Variants in NME4 observed in about 807,000 individuals in gnomAD.
NME4 encodes the protein NME/NM23 nucleoside diphosphate kinase 4, also known as nucleoside diphosphate kinase D, mitochondrial.
Under a neutral mutation model 16.4 loss-of-function variants are expected in NME4, and 21 were observed. The ratio of observed to expected loss-of-function variants is 1.28; its 90% CI spans 0.91 to 1.84. The LOEUF is 1.84. Ranked by LOEUF, NME4 falls within the 40% of genes most tolerant of loss-of-function variation. The pLI is 0.00. For synonymous variants in NME4, 132 were observed against 107.5 expected, an observed-to-expected ratio of 1.23 and a Z score of -1.41; for missense variants, 316 against 261.3, an observed-to-expected ratio of 1.21 and a Z score of -1.44.
At chr16:399,166 G>T in intron 2 of NME4, 43 bp downstream of exon 2, 1 of 1,602,182 alleles carries the variant, frequency 6.2e-7, no homozygotes, top group South Asian at 1.1e-5. Flanking sequence ...TGGGGATGGG[G>T]TTGGGGGATC....
upstream of NME4, chr16:397,154 C>A: frequency 1.7e-6 from 1 of 599,936 alleles, no homozygotes; most frequent in Non-Finnish European, 2.1e-6. Flanking sequence ...CGGGCGGGGG[C>A]GGGTCTCGGG....
In NME4 at chr16:398,999, C is replaced by G; in HGVS notation, c.101C>G (p.Ser34Cys). ...LLVRHGSGGP[S>C]WTRERTLVAV... ...CTCTTGCCTTTTGAAGGAGGGCCCTCCTGGACCCGGGAGCGGACCCTGGTG... is the reference window on the plus strand; with the variant it reads ...CTCTTGCCTTTTGAAGGAGGGCCCTGCTGGACCCGGGAGCGGACCCTGGTG... Residue 34 changes from serine to cysteine, a missense_variant, in exon 2 of 5, where the codon TCC becomes TGC. Transcript: ENST00000219479. 6.2e-7 allele frequency: 1 copy of G among 1,610,270 alleles called. No individual in the cohort carries two copies. Among genetic ancestry groups the G allele is most frequent in the Middle Eastern group, 1.7e-4 (1 of 6,058 alleles).
Position 400,706 on chromosome 16 carries a change from A to T in NME4, c.*364A>T, listed in dbSNP as rs776972981. 2.4e-5 allele frequency: 5 copies of T among 211,438 alleles called. No homozygotes were observed. Among genetic ancestry groups the T allele is most frequent in the Non-Finnish European group, 4.7e-5 (5 of 106,156 alleles). The allele number at this position is 211,438 out of a possible 1,614,324, so 13.1% of individuals were successfully genotyped here. On this transcript the variant is annotated 3_prime_UTR_variant, in exon 5 of 5. Coordinates refer to ENST00000219479, the MANE Select transcript of NME4 (RefSeq NM_005009.3). ...GCTCTGAGGTAGAAATGACGCCTTTATGCAAGTTGTAAGGAGTTGAACAGT... is the reference window on the plus strand; with the variant it reads ...GCTCTGAGGTAGAAATGACGCCTTTTTGCAAGTTGTAAGGAGTTGAACAGT...
At chr16:398,919 G>C in intron 1 of NME4, 71 bp from the exon 2 acceptor site, 1 of 1,590,520 alleles carries the variant, frequency 6.3e-7, no homozygotes, top group South Asian at 1.1e-5. Flanking sequence ...CTGGGCTCTG[G>C]CTGGGAAACC....
intron 4 of NME4, 177 bp from the exon 5 acceptor site, chr16:400,042 G>A: frequency 1.0e-6 from 1 of 987,740 alleles, no homozygotes. Flanking sequence ...CCACGAGGCT[G>A]TAAGAGGCCG....
In NME4 at chr16:397,327, C is replaced by A; in HGVS notation, c.91+14C>A. On this transcript the variant is annotated intron_variant, in intron 1 of 4. Transcript: ENST00000219479. Reference sequence around the variant, plus strand: ...GCCACGGCTCGGGTGAGTGGGGCCGCGCGCCCCGGCGGGGACGCGGAGGGG... The same window carrying A: ...GCCACGGCTCGGGTGAGTGGGGCCGAGCGCCCCGGCGGGGACGCGGAGGGG... 1 of 1,012,316 alleles carries A rather than the reference C, an allele frequency of 9.9e-7. No homozygotes were observed. The highest frequency in any genetic ancestry group is 1.2e-6 in the Non-Finnish European group (1 of 838,128). 62.7% of individuals were successfully genotyped at this position (1,012,316 alleles called of 1,614,324 possible).
At chr16:398,951 G>T in intron 1 of NME4, 39 bp from the exon 2 acceptor site, 1 of 1,606,410 alleles carries the variant, frequency 6.2e-7, no homozygotes, top group Non-Finnish European at 8.5e-7. Flanking sequence ...GACGTGAAAG[G>T]GTGAGGTGGC....
intron 2 of NME4, 54 bp downstream of exon 2, chr16:399,177 C>G: frequency 1.2e-6 from 2 of 1,600,316 alleles, no homozygotes; most frequent in East Asian, 2.2e-5. Context: ...TTGGGGGATC[C>G]TTCTCGGCCT....
At position 400,467 on chromosome 16, in the gene NME4, A is replaced by G; in HGVS notation, c.*125A>G. On this transcript the variant is annotated 3_prime_UTR_variant, in exon 5 of 5. Transcript: ENST00000219479. ...TTACTTCCCTGTTCACCTCTGCCCC[A>G]CCCCAGCCCAGAGGAGTTTGAGCCA... is the stretch of plus-strand genomic sequence containing the variant. 1 of 1,259,040 alleles carries G rather than the reference A, an allele frequency of 7.9e-7. No homozygotes were observed. The highest frequency in any genetic ancestry group is 2.5e-5 in the East Asian group (1 of 39,596). 78.0% of individuals were successfully genotyped at this position (1,259,040 alleles called of 1,614,324 possible).
intron 1 of NME4, chr16:397,749 C>T (rs1333993106): frequency 3.7e-6 from 3 of 817,044 alleles, no homozygotes; most frequent in African/African-American, 8.9e-5. Context: ...TGGGGGGAGC[C>T]GCTCCGCTGG....
chr16:400,212 G>A lies in NME4; in HGVS notation c.441-7G>A, dbSNP rs1443224818. Reference sequence around the variant, plus strand: ...CTGAGCCTCACATTGCTCCTGTCCTGGCACAGGAATGTCATCCACGCCAGC... The same window carrying A: ...CTGAGCCTCACATTGCTCCTGTCCTAGCACAGGAATGTCATCCACGCCAGC... On this transcript the variant is annotated splice_polypyrimidine_tract_variant and splice_region_variant and intron_variant, in intron 4 of 4. Coordinates refer to ENST00000219479, the MANE Select transcript of NME4 (RefSeq NM_005009.3). 2 of 1,609,806 alleles carry A rather than the reference G, an allele frequency of 1.2e-6. No homozygotes were observed. Among genetic ancestry groups the A allele is most frequent in the Non-Finnish European group, 1.7e-6 (2 of 1,177,902 alleles).
Position 397,227 on chromosome 16 carries a change from G to T in NME4, c.5G>T (p.Gly2Val). Reference protein sequence around the residue: MGGLFWRSALRG... With the variant: MVGLFWRSALRG... ...GCGGCCCGCGGGCCGGGCGTCATGG[G>T]CGGCCTCTTCTGGCGCTCCGCGCTG... The change falls in exon 1 of 5, where the codon GGC becomes GTC. Residue 2 changes from glycine to valine, a missense_variant. By Grantham distance (109) the Gly-to-Val change is moderately radical. Transcript: ENST00000219479. 1 of 1,027,314 alleles carries T rather than the reference G, an allele frequency of 9.7e-7. No homozygotes were observed. The highest frequency in any genetic ancestry group is 1.2e-6 in the Non-Finnish European group (1 of 859,152). The allele number at this position is 1,027,314 out of a possible 1,614,324, so 63.6% of individuals were successfully genotyped here. A position where few individuals can be genotyped will look rare whatever the true frequency, so the allele number is the denominator to read the frequency against.
chr16:397,213 G>A lies in NME4; in HGVS notation c.-10G>A. On this transcript the variant is annotated 5_prime_UTR_variant, in exon 1 of 5. Coordinates refer to ENST00000219479, the MANE Select transcript of NME4 (RefSeq NM_005009.3). ...TCCTCGCGCTCACAGCGGCCCGCGG[G>A]CCGGGCGTCATGGGCGGCCTCTTCT... 4 of 1,010,090 alleles carry A rather than the reference G, an allele frequency of 4.0e-6. No individual in the cohort carries two copies. Among genetic ancestry groups the A allele is most frequent in the Non-Finnish European group, 4.7e-6 (4 of 847,056 alleles). 62.6% of individuals were successfully genotyped at this position (1,010,090 alleles called of 1,614,324 possible). A position where few individuals can be genotyped will look rare whatever the true frequency, so the allele number is the denominator to read the frequency against.
chr16:399,264 G>T (rs535226064), intron 2 of NME4, 115 bp from the exon 3 acceptor site: 23 of 1,408,130 alleles, frequency 1.6e-5, no homozygotes, highest in Non-Finnish European at 1.0e-6. Context: ...TCTGCGGTGG[G>T]GGTGCTGCCC....
rs759506362 is a variant in NME4 at position 399,729 on chromosome 16, C to G, written c.430C>G (p.His144Asp). The G allele has an allele frequency of 6.2e-7, 1 of 1,612,672 alleles. No individual in the cohort carries two copies. Among genetic ancestry groups the G allele is most frequent in the Non-Finnish European group, 8.5e-7 (1 of 1,179,746 alleles). ...PGTIRGDFSV[H>D]ISRNVIHASD... ...AACCATAAGGGGTGACTTCAGCGTC[C>G]ACATCAGCAGGTACGGGGGTCCTGA... is the stretch of plus-strand genomic sequence containing the variant. Residue 144 changes from histidine (H) to aspartate (D), a missense_variant, in exon 4 of 5, where the codon CAC becomes GAC. Transcript: ENST00000219479.
rs781187709 is a variant in NME4, at chr16:399,418, C to T, written c.265C>T (p.Arg89Trp). The change falls in exon 3 of 5, where the codon CGG (arginine) becomes TGG (tryptophan). Residue 89 changes from arginine (R) to tryptophan (W), a missense_variant. Physicochemically the swap from Arg to Trp is moderately radical, Grantham distance 101. Coordinates refer to ENST00000219479, the MANE Select transcript of NME4 (RefSeq NM_005009.3). ...CCTTGCCGAGCACTACCAGGACCTG[C>T]GGAGGAAGCCCTTCTACCCTGCCCT... ...SVLAEHYQDL[R>W]RKPFYPALIR... 30 of 1,612,984 alleles carry T rather than the reference C, an allele frequency of 1.9e-5. No homozygotes were observed. The highest frequency in any genetic ancestry group is 2.2e-5 in the South Asian group (2 of 91,082).
rs1597180734 is a variant in NME4, at chr16:397,286, C to T, written c.64C>T (p.Pro22Ser). ...GCGCTGCGGCCCGCGGGCCCCGGGCCCGAGCCTGCTAGTGCGCCACGGCTC... is the reference window on the plus strand; with the variant it reads ...GCGCTGCGGCCCGCGGGCCCCGGGCTCGAGCCTGCTAGTGCGCCACGGCTC... The part of the protein sequence containing the change: ...GLRCGPRAPG[P>S]SLLVRHGSGG... The change falls in exon 1 of 5, where the codon CCG becomes TCG. Residue 22 changes from proline to serine, a missense_variant. Coordinates refer to ENST00000219479, the MANE Select transcript of NME4 (RefSeq NM_005009.3). The T allele has an allele frequency of 5.7e-6, 6 of 1,059,732 alleles. No homozygotes were observed. Among genetic ancestry groups the T allele is most frequent in the Non-Finnish European group, 6.8e-6 (6 of 879,938 alleles). The allele number at this position is 1,059,732 out of a possible 1,614,324, so 65.6% of individuals were successfully genotyped here. A position where few individuals can be genotyped will look rare whatever the true frequency, so the allele number is the denominator to read the frequency against.
In NME4 at chr16:397,307, G is replaced by A. The variant is rs1173181834; in HGVS notation, c.85G>A (p.Gly29Ser). The A allele has an allele frequency of 5.7e-6, 6 of 1,051,258 alleles. No homozygotes were observed. In the African/African-American group the frequency reaches 1.0e-4, roughly 18 times the overall value. The allele number at this position is 1,051,258 out of a possible 1,614,324, so 65.1% of individuals were successfully genotyped here. The change falls in exon 1 of 5, where the codon GGC becomes AGC. Residue 29 changes from glycine to serine, a missense_variant. By Grantham distance (56) the Gly-to-Ser change is moderately conservative. Transcript: ENST00000219479. Reference sequence around the variant, plus strand: ...GGGCCCGAGCCTGCTAGTGCGCCACGGCTCGGGTGAGTGGGGCCGCGCGCC... The same window carrying A: ...GGGCCCGAGCCTGCTAGTGCGCCACAGCTCGGGTGAGTGGGGCCGCGCGCC... ...APGPSLLVRH[G>S]SGGPSWTRER...
At position 397,203 on chromosome 16, in the gene NME4, C is replaced by A; in HGVS notation, c.-20C>A. On this transcript the variant is annotated 5_prime_UTR_variant, in exon 1 of 5. Coordinates refer to ENST00000219479, the MANE Select transcript of NME4 (RefSeq NM_005009.3). ...CCGCGCCCGCTCCTCGCGCTCACAG[C>A]GGCCCGCGGGCCGGGCGTCATGGGC... 3 of 990,316 alleles carry A rather than the reference C, an allele frequency of 3.0e-6. No homozygotes were observed. Among genetic ancestry groups the A allele is most frequent in the Non-Finnish European group, 3.6e-6 (3 of 831,390 alleles). 61.3% of individuals were successfully genotyped at this position (990,316 alleles called of 1,614,324 possible). A position where few individuals can be genotyped will look rare whatever the true frequency, so the allele number is the denominator to read the frequency against.
Sources: allele counts gnomAD v4.1 joint callset, GRCh38; gene constraint gnomAD v4.1.1; transcripts MANE v1.5; gene names NCBI Gene and HGNC (gene_info 2026-07-23, HGNC 2026-07-21).